Variants in ERC2 observed in about 807,000 individuals in gnomAD.
ERC2 encodes ELKS/RAB6-interacting/CAST family member 2.
Under a neutral mutation model 114.8 loss-of-function variants are expected in ERC2, and 42 were observed. The ratio of observed to expected loss-of-function variants is 0.37; its 90% CI spans 0.29 to 0.47. The LOEUF is 0.47. Ranked by LOEUF, ERC2 falls within the 20% of genes least tolerant of loss-of-function variation. The pLI is 0.99. For synonymous variants in ERC2, 454 were observed against 425.5 expected, an observed-to-expected ratio of 1.07 and a Z score of -0.82; for missense variants, 939 against 1,150.7, an observed-to-expected ratio of 0.82 and a Z score of 2.66.
intron 8 of ERC2, among the ~76,000 whole-genome samples, chr3:56,015,833 A>G (rs540973324): frequency 5.3e-5 from 8 of 152,264 alleles, no homozygotes; most frequent in African/African-American, 1.9e-4. Flanking sequence ...AACAATGTAA[A>G]AGCATTCCTT....
intron 2 of ERC2, among the ~76,000 whole-genome samples, chr3:56,357,377 C>T (rs1413006964): frequency 6.6e-6 from 1 of 152,210 alleles, no homozygotes; most frequent in African/African-American, 2.4e-5. Flanking sequence ...AGTGAAGGAA[C>T]TTCACAAGCT....
chr3:55,578,596 A>G (rs1041802003), intron 17 of ERC2, among the ~76,000 whole-genome samples: 1 of 152,236 alleles, frequency 6.6e-6, no homozygotes, highest in Non-Finnish European at 1.5e-5. Flanking sequence ...CTACTTACAC[A>G]TTGCAAGTCT....
chr3:55,967,473 C>T (rs2068826972), intron 12 of ERC2, among the ~76,000 whole-genome samples: 1 of 152,142 alleles, frequency 6.6e-6, no homozygotes, highest in Non-Finnish European at 1.5e-5. Context: ...GGCCCTTTTT[C>T]TGGTATAAAT....
intron 14 of ERC2, among the ~76,000 whole-genome samples, chr3:55,753,677 T>G (rs1359014186): frequency 6.6e-6 from 1 of 152,148 alleles, no homozygotes; most frequent in African/African-American, 2.4e-5. Flanking sequence ...AAACATAAAT[T>G]CACGAACGGA....
At chr3:56,364,776 G>A (rs774619570) in intron 2 of ERC2, among the ~76,000 whole-genome samples, 15 of 152,138 alleles carry the variant, frequency 9.9e-5, no homozygotes, top group Non-Finnish European at 1.6e-4. Flanking sequence ...ATCTTCTCCC[G>A]TTGGGGCTCA....
intron 7 of ERC2, chr3:56,072,352 T>C (rs1479832182): frequency 4.6e-5 from 7 of 152,188 alleles, no homozygotes; most frequent in Non-Finnish European, 8.8e-5. Context: ...ACACACTGTA[T>C]TAAAGGATGC....
chr3:55,861,007 T>C (rs1559777748), intron 14 of ERC2, among the ~76,000 whole-genome samples: 1 of 152,202 alleles, frequency 6.6e-6, no homozygotes, highest in Non-Finnish European at 1.5e-5. Context: ...AAAAAACTAA[T>C]TTCCCCCAAA....
At chr3:55,557,967 G>T (rs11716980) in intron 17 of ERC2, among the ~76,000 whole-genome samples, 64,725 of 152,122 alleles carry the variant, frequency 0.43, 14,110 homozygotes, top group South Asian at 0.52. Flanking sequence ...TGCCTGCGTT[G>T]AAATTCTGGC....
intron 13 of ERC2, among the ~76,000 whole-genome samples, chr3:55,935,770 T>G (rs2066401658): frequency 6.6e-6 from 1 of 152,150 alleles, no homozygotes; most frequent in Non-Finnish European, 1.5e-5. Context: ...TCTGGCCCCT[T>G]TGTTACGCTG....
intron 2 of ERC2, among the ~76,000 whole-genome samples, chr3:56,403,309 T>A (rs1027994933): frequency 3.9e-5 from 6 of 152,232 alleles, no homozygotes; most frequent in African/African-American, 1.4e-4. Flanking sequence ...TTGTATCCTC[T>A]AGAATTGCAT....
At chr3:55,571,896 A>G (rs1341883826) in intron 17 of ERC2, among the ~76,000 whole-genome samples, 1 of 152,206 alleles carries the variant, frequency 6.6e-6, no homozygotes, top group Non-Finnish European at 1.5e-5. Flanking sequence ...GTAAAAGTCC[A>G]CAAAAACTTC....
chr3:55,950,330 C>T lies in ERC2; in HGVS notation c.2403+95G>A, dbSNP rs960824491. ...AGACTCAGGGCAAAGGCAAAGTCCA[C>T]CATTTCTGTGCATATTTTCTGGCAC... On this transcript the variant is annotated intron_variant, in intron 13 of 17. Transcript: ENST00000288221. The T allele has an allele frequency of 3.4e-6, 5 of 1,483,782 alleles. No homozygotes were observed. In the African/African-American group the frequency reaches 5.6e-5, roughly 17 times the overall value. The allele number at this position is 1,483,782 out of a possible 1,614,324, so 91.9% of individuals were successfully genotyped here. A position where few individuals can be genotyped will look rare whatever the true frequency, so the allele number is the denominator to read the frequency against.
At chr3:56,455,488 G>T (rs2063022666) in intron 1 of ERC2, among the ~76,000 whole-genome samples, 1 of 152,128 alleles carries the variant, frequency 6.6e-6, no homozygotes. Context: ...CCCCCTGTAA[G>T]TCCCAAGTAA....
At chr3:56,132,388 G>A (rs536653449) in intron 6 of ERC2, among the ~76,000 whole-genome samples, 31 of 152,344 alleles carry the variant, frequency 2.0e-4, no homozygotes, top group South Asian at 1.9e-3. Context: ...TCTAGTTTGT[G>A]TTATCACACT....
chr3:56,086,138 T>A (rs905361818), intron 6 of ERC2, among the ~76,000 whole-genome samples: 2 of 152,160 alleles, frequency 1.3e-5, no homozygotes, highest in Non-Finnish European at 2.9e-5. Flanking sequence ...GATGTTGGAA[T>A]GTAATCTAGA....
chr3:55,876,111 C>T (rs999724640), intron 14 of ERC2, among the ~76,000 whole-genome samples: 3 of 152,188 alleles, frequency 2.0e-5, no homozygotes, highest in Non-Finnish European at 1.5e-5. Flanking sequence ...GGACCAAGAA[C>T]ATTCAAAGCC....
At chr3:55,890,933 T>A (rs1559824521) in intron 13 of ERC2, among the ~76,000 whole-genome samples, 2 of 152,204 alleles carry the variant, frequency 1.3e-5, no homozygotes. Context: ...ACAATCACTA[T>A]ACCCTCGGAA....
intron 6 of ERC2, among the ~76,000 whole-genome samples, chr3:56,120,139 A>G (rs1346893856): frequency 6.6e-6 from 1 of 151,982 alleles, no homozygotes; most frequent in African/African-American, 2.4e-5. Flanking sequence ...GAAAAAAAAG[A>G]GAGAGAGAGA....
intron 13 of ERC2, among the ~76,000 whole-genome samples, chr3:55,928,795 G>C (rs1214208760): frequency 6.6e-6 from 1 of 152,148 alleles, no homozygotes; most frequent in Non-Finnish European, 1.5e-5. Flanking sequence ...ATATGGCAGA[G>C]ACTGGGGGCT....
Sources: gnomAD v4.1 joint callset for allele counts (sites outside exome capture counted in the v4.1 genomes callset) on GRCh38, gnomAD v4.1.1 for gene constraint, MANE v1.5 for transcripts, NCBI Gene and HGNC (gene_info 2026-07-23, HGNC 2026-07-21) for gene names.